The following STK39 variants were observed in gnomAD, a reference collection of about 807,000 sequenced individuals.
The protein encoded by STK39 is STE20/SPS1-related proline-alanine-rich protein kinase.
A neutral mutation model predicts 77.8 loss-of-function variants in STK39; 20 were observed. That is an observed-to-expected ratio of 0.26 (90% CI 0.18 to 0.37). The LOEUF is 0.37. Among genes scored for constraint, STK39 ranks in the 10% least tolerant of loss-of-function variants. The pLI, the probability that STK39 is intolerant of heterozygous loss-of-function variation, is 1.00. For synonymous variants in STK39, 246 were observed against 234.1 expected (o/e 1.05, Z -0.47); for missense variants, 479 against 656.5 (o/e 0.73, Z 2.95).
At chr2:168,116,733 T>TAGAA (rs1300684533) in intron 10 of STK39, among the ~76,000 whole-genome samples, 3 of 152,176 alleles carry the variant, frequency 2.0e-5, no homozygotes, top group Non-Finnish European at 2.9e-5. Context: ...CCACAGATGA[T>TAGAA]AGAACCCTTC....
At chr2:167,999,714 G>A (rs942813527) in intron 16 of STK39, among the ~76,000 whole-genome samples, 3 of 151,942 alleles carry the variant, frequency 2.0e-5, no homozygotes, top group Non-Finnish European at 2.9e-5. Context: ...CACCCACCTC[G>A]GCCTCCCAAA....
intron 17 of STK39, among the ~76,000 whole-genome samples, chr2:167,960,408 T>C (rs1002254686): frequency 1.3e-5 from 2 of 151,900 alleles, no homozygotes; most frequent in Non-Finnish European, 2.9e-5. Context: ...TCTCATGTCA[T>C]GTAAAACTTA....
At chr2:168,077,240 A>G (rs1265520133) in intron 10 of STK39, among the ~76,000 whole-genome samples, 2 of 152,162 alleles carry the variant, frequency 1.3e-5, no homozygotes, top group African/African-American at 4.8e-5. Flanking sequence ...AGATTACACT[A>G]AGGAAATCTT....
At chr2:168,212,251 C>T (rs909083510) in intron 1 of STK39, among the ~76,000 whole-genome samples, 18 of 152,324 alleles carry the variant, frequency 1.2e-4, no homozygotes, top group Non-Finnish European at 2.5e-4. Flanking sequence ...CGAATATATT[C>T]GTTCAGTGGA....
chr2:168,160,086 G>A (rs980460590), intron 5 of STK39, among the ~76,000 whole-genome samples: 4 of 152,180 alleles, frequency 2.6e-5, no homozygotes, highest in African/African-American at 9.7e-5. Flanking sequence ...GAAGGCTCAG[G>A]GAGAGGCTCG....
intron 2 of STK39, among the ~76,000 whole-genome samples, chr2:168,179,180 C>A (rs1689022716): frequency 6.6e-6 from 1 of 152,154 alleles, no homozygotes. Context: ...GTGCACTGAC[C>A]TGTATATAAT....
At chr2:168,157,304 C>T (rs143450278) in intron 5 of STK39, among the ~76,000 whole-genome samples, 33 of 152,314 alleles carry the variant, frequency 2.2e-4, no homozygotes, top group African/African-American at 7.9e-4. Flanking sequence ...GATGCACATA[C>T]GTGAGGCATT....
intron 16 of STK39, among the ~76,000 whole-genome samples, chr2:167,979,420 T>C (rs984714111): frequency 6.6e-6 from 1 of 152,218 alleles, no homozygotes; most frequent in Non-Finnish European, 1.5e-5. Flanking sequence ...TTTGCATTTC[T>C]CTAATAGAGC....
intron 12 of STK39, among the ~76,000 whole-genome samples, chr2:168,071,848 C>T (rs34768135): frequency 0.16 from 22,024 of 139,220 alleles, 1,725 homozygotes; most frequent in Middle Eastern, 0.22. Flanking sequence ...CCAGCCTGGG[C>T]AACAGAGTGA....
chr2:167,999,553 C>T (rs1683939342), intron 16 of STK39, among the ~76,000 whole-genome samples: 1 of 152,074 alleles, frequency 6.6e-6, no homozygotes, highest in Admixed American at 6.5e-5. Flanking sequence ...GCTCTGCCTC[C>T]TGGGTTCACG....
intron 10 of STK39, among the ~76,000 whole-genome samples, chr2:168,086,347 A>C (rs1347808551): frequency 6.6e-6 from 1 of 152,214 alleles, no homozygotes; most frequent in Non-Finnish European, 1.5e-5. Context: ...CCATCTGACT[A>C]TGTTATTATA....
intron 1 of STK39, among the ~76,000 whole-genome samples, chr2:168,233,202 C>A (rs1373473209): frequency 6.6e-6 from 1 of 152,210 alleles, no homozygotes; most frequent in Non-Finnish European, 1.5e-5. Flanking sequence ...CCACCCGACT[C>A]CTCAGGAAAG....
chr2:168,200,380 T>C (rs1248507215), intron 1 of STK39, among the ~76,000 whole-genome samples: 1 of 152,062 alleles, frequency 6.6e-6, no homozygotes, highest in African/African-American at 2.4e-5. Context: ...AAATTGAAAC[T>C]TAAGCTGGGC....
chr2:168,245,739 T>C (rs559715557), intron 1 of STK39, among the ~76,000 whole-genome samples: 1 of 152,226 alleles, frequency 6.6e-6, no homozygotes, highest in Admixed American at 6.5e-5. Flanking sequence ...ATATGCCAGG[T>C]TAAAGAGGTT....
intron 10 of STK39, among the ~76,000 whole-genome samples, chr2:168,104,461 C>G (rs1449532152): frequency 6.6e-6 from 1 of 152,028 alleles, no homozygotes; most frequent in Non-Finnish European, 1.5e-5. Context: ...CACAAAAATT[C>G]AGAAAAGAAA....
chr2:168,012,331 G>A (rs1684290270), intron 16 of STK39, among the ~76,000 whole-genome samples: 1 of 151,918 alleles, frequency 6.6e-6, no homozygotes, highest in South Asian at 2.1e-4. Flanking sequence ...CACCACCCAT[G>A]CCTGGTTAAT....
At chr2:167,992,257 C>G (rs555686787) in intron 16 of STK39, among the ~76,000 whole-genome samples, 18 of 152,310 alleles carry the variant, frequency 1.2e-4, no homozygotes, top group African/African-American at 4.1e-4. Flanking sequence ...TATGTCAACT[C>G]TCCCACTTGT....
chr2:168,134,735 G>A (rs901493652), intron 8 of STK39, among the ~76,000 whole-genome samples: 7 of 152,066 alleles, frequency 4.6e-5, no homozygotes, highest in South Asian at 2.1e-4. Flanking sequence ...AGCTCTCATC[G>A]TTGACAAAAA....
intron 10 of STK39, among the ~76,000 whole-genome samples, chr2:168,119,887 A>G (rs192708569): frequency 8.5e-5 from 13 of 152,330 alleles, no homozygotes; most frequent in Admixed American, 7.9e-4. Flanking sequence ...TTTATCGACT[A>G]AAAGAAGAAA....
Sources: allele counts gnomAD v4.1 joint callset (sites outside exome capture counted in the v4.1 genomes callset), GRCh38; gene constraint gnomAD v4.1.1; transcripts MANE v1.5; gene names NCBI Gene and HGNC (gene_info 2026-07-23, HGNC 2026-07-21).